PCF11: variants seen among roughly 807,000 people sequenced by gnomAD.
The protein encoded by PCF11 is pre-mRNA cleavage complex 2 protein Pcf11.
A neutral mutation model predicts 166.1 loss-of-function variants in PCF11; 19 were observed. The observed-to-expected ratio is 0.11, with a 90% CI of 0.08 to 0.17. The LOEUF is 0.17. PCF11 is among the 10% of genes least tolerant of loss of function. The pLI, the probability that PCF11 is intolerant of heterozygous loss-of-function variation, is 1.00. For synonymous variants in PCF11, 663 were observed against 644.1 expected, an observed-to-expected ratio of 1.03 and a Z score of -0.44; for missense variants, 1,565 against 1,855.5, an observed-to-expected ratio of 0.84 and a Z score of 2.88.
Position 83,159,913 on chromosome 11 carries a change from C to T in PCF11, c.193-1414C>T, listed in dbSNP as rs924048934. Among the ~76,000 whole-genome samples, 17 of 152,114 alleles carry T rather than the reference C, an allele frequency of 1.1e-4. 1 individual carries two copies. Among genetic ancestry groups the T allele is most frequent in the African/African-American group, 4.1e-4 (17 of 41,414 alleles). ...ATAAAAAATTAGCCTACTTAACAGACTTTGGTGTTTAAGAGAGCCTGTTTA... is the reference window on the plus strand; with the variant it reads ...ATAAAAAATTAGCCTACTTAACAGATTTTGGTGTTTAAGAGAGCCTGTTTA... On this transcript the variant is annotated intron_variant, in intron 1 of 15. Coordinates refer to ENST00000298281, the Ensembl canonical transcript of PCF11.
exon 16 of PCF11, chr11:83,185,641 A>G (rs1478267295): frequency 6.6e-6 from 1 of 152,606 alleles, no homozygotes; most frequent in African/African-American, 2.4e-5. Flanking sequence ...CAAATGATTT[A>G]ATGCAGATGA....
rs1308664007 is a variant in PCF11 at position 83,167,815 on chromosome 11, C to T, written c.2092+310C>T. ...AGTGAAAGAGCAAGACGTCTTTCTC[C>T]TATATCTGGGAGTCGTACTTATGCT... On this transcript the variant is annotated intron_variant, in intron 7 of 15. Transcript: ENST00000298281. The surrounding 1 kb of genome is among the most constrained non-coding windows in gnomAD (Gnocchi z 4.2). The T allele has an allele frequency of 3.9e-5, 52 of 1,341,602 alleles. No homozygotes were observed. Among genetic ancestry groups the T allele is most frequent in the Non-Finnish European group, 5.0e-5 (51 of 1,023,654 alleles). The allele number at this position is 1,341,602 out of a possible 1,614,324, so 83.1% of individuals were successfully genotyped here. A position where few individuals can be genotyped will look rare whatever the true frequency, so the allele number is the denominator to read the frequency against.
intron 15 of PCF11, among the ~76,000 whole-genome samples, chr11:83,183,877 G>A (rs760485629): frequency 2.6e-5 from 4 of 151,968 alleles, no homozygotes; most frequent in South Asian, 2.1e-4. Context: ...TCGGCTGGGC[G>A]TGGTGGCTCA....
intron 11 of PCF11, among the ~76,000 whole-genome samples, chr11:83,178,762 G>C (rs1860975221): frequency 6.6e-6 from 1 of 150,930 alleles, no homozygotes; most frequent in African/African-American, 2.4e-5. Context: ...GCAGTGAGCC[G>C]AGATAACGCC....
At chr11:83,162,444 C>T (rs1031948091) in intron 2 of PCF11, among the ~76,000 whole-genome samples, 2 of 152,182 alleles carry the variant, frequency 1.3e-5, no homozygotes, top group African/African-American at 4.8e-5. Context: ...CTGGAAAGCT[C>T]TATATCATAT....
intron 9 of PCF11, among the ~76,000 whole-genome samples, chr11:83,174,450 C>G (rs1472717086): frequency 1.3e-5 from 2 of 150,170 alleles, no homozygotes; most frequent in Non-Finnish European, 3.0e-5. Context: ...AACACCTGAA[C>G]TCAAGCAATC....
intron 1 of PCF11, among the ~76,000 whole-genome samples, chr11:83,159,838 AAG>A (rs1443252880): frequency 1.3e-5 from 2 of 152,194 alleles, no homozygotes; most frequent in South Asian, 2.1e-4. Context: ...GACTCCTCCC[AAG>A]AGAGAGCAGT....
Position 83,157,226 on chromosome 11 carries a change from G to C in PCF11, c.-214G>C, listed in dbSNP as rs911331531. The C allele has an allele frequency of 1.4e-5, 8 of 586,564 alleles. No homozygotes were observed. In the African/African-American group the frequency reaches 1.5e-4, roughly 11 times the overall value. 36.3% of individuals were successfully genotyped at this position (586,564 alleles called of 1,614,324 possible). A position where few individuals can be genotyped will look rare whatever the true frequency, so the allele number is the denominator to read the frequency against. ...CTGTGGAGAAAGAAGCTTCTGTGGC[G>C]GCTGGAAGTGGACGGAGATCACCCG... On this transcript the variant is annotated 5_prime_UTR_variant, in exon 1 of 16. Transcript: ENST00000298281.
In PCF11 at chr11:83,165,894, A is replaced by G. The variant is rs1013226559; in HGVS notation, c.997A>G (p.Ile333Val). Residue 333 changes from isoleucine to valine, a missense_variant, in exon 5 of 16, where the codon ATA (isoleucine) becomes GTA (valine). Physicochemically the swap from Ile to Val is conservative, Grantham distance 29. This residue lies in a region of PCF11 where 468 missense variants were observed against 483.4 expected (regional missense o/e 0.97). Coordinates refer to ENST00000298281, the Ensembl canonical transcript of PCF11. ...GTCTGATACTAAGACAAGTAAAACT[A>G]TACCCTCTGAAAAACTAAATTCATC... The G allele has an allele frequency of 6.2e-7, 1 of 1,606,242 alleles. No homozygotes were observed. Among genetic ancestry groups the G allele is most frequent in the Non-Finnish European group, 8.5e-7 (1 of 1,176,534 alleles).
chr11:83,173,719 C>CTTTTTTTTTT (rs869126679), intron 9 of PCF11, among the ~76,000 whole-genome samples: 30 of 59,072 alleles, frequency 5.1e-4, no homozygotes, highest in East Asian at 1.3e-3. Flanking sequence ...TTCTTTCTTT[C>CTTTTTTTTTT]TTTTTTTTTT....
chr11:83,160,323 T>TC (rs1425080926), intron 1 of PCF11, among the ~76,000 whole-genome samples: 2 of 127,694 alleles, frequency 1.6e-5, no homozygotes, highest in Admixed American at 1.5e-4. Context: ...TAACCTAAGT[T>TC]TTTTTTTTTT....
rs181450899 is a variant in PCF11 at position 83,166,853 on chromosome 11, T to C, written c.1817+139T>C. 21 of 759,858 alleles carry C rather than the reference T, an allele frequency of 2.8e-5. No homozygotes were observed. In the East Asian group the frequency reaches 5.1e-4, roughly 18 times the overall value. The allele number at this position is 759,858 out of a possible 1,614,324, so 47.1% of individuals were successfully genotyped here. ...AATTCTTACATCTCTGTGGGTTAAA[T>C]ACTATTATTATTTCTATTTTACAGA... On this transcript the variant is annotated intron_variant, in intron 5 of 15. Coordinates refer to ENST00000298281, the Ensembl canonical transcript of PCF11.
chr11:83,185,375 C>T (rs1239375630), exon 16 of PCF11: 1 of 151,940 alleles, frequency 6.6e-6, no homozygotes, highest in Non-Finnish European at 1.5e-5. Context: ...GAGAGAGCAC[C>T]GTAGGGCTTT....
At chr11:83,166,150 A>T (rs1395858038) in exon 5 of PCF11, 2 of 1,609,598 alleles carry the variant, frequency 1.2e-6, no homozygotes, top group African/African-American at 1.3e-5. Flanking sequence ...AAAGATGATG[A>T]TGTGAAAGAG....
At chr11:83,159,572 C>G (rs1860147851) in intron 1 of PCF11, among the ~76,000 whole-genome samples, 2 of 152,106 alleles carry the variant, frequency 1.3e-5, no homozygotes, top group Non-Finnish European at 2.9e-5. Context: ...AATAGATGAG[C>G]TCTTTGCTGG....
exon 8 of PCF11, chr11:83,169,023 T>G (rs777578637): frequency 4.3e-6 from 7 of 1,613,774 alleles, no homozygotes; most frequent in Non-Finnish European, 5.9e-6. Flanking sequence ...GACCTCATGG[T>G]CAGCCTGTGG....
At chr11:83,159,157 A>G (rs1035884744) in intron 1 of PCF11, among the ~76,000 whole-genome samples, 1 of 152,110 alleles carries the variant, frequency 6.6e-6, no homozygotes, top group Admixed American at 6.5e-5. Context: ...CTAAGATACA[A>G]GTTTTCGTTC....
At chr11:83,175,570 G>C (rs1787041293) in intron 9 of PCF11, among the ~76,000 whole-genome samples, 1 of 152,104 alleles carries the variant, frequency 6.6e-6, no homozygotes, top group Admixed American at 6.5e-5. Flanking sequence ...GGCTAACACG[G>C]TGAAACCCCG....
chr11:83,180,787 A>G, intron 11 of PCF11: 1 of 348,006 alleles, frequency 2.9e-6, no homozygotes, highest in East Asian at 4.3e-5. Flanking sequence ...CAGGGCTATC[A>G]ATAAGAAGAC....
Sources: gnomAD v4.1 joint callset for allele counts (sites outside exome capture counted in the v4.1 genomes callset) on GRCh38, gnomAD v4.1.1 for gene constraint, gnomAD v4.1.1 regional missense constraint, Gnocchi (gnomAD v3.1) non-coding constraint, MANE v1.5 for transcripts, NCBI Gene and HGNC (gene_info 2026-07-23, HGNC 2026-07-21) for gene names.